Variants in CCND3 observed in about 807,000 individuals in gnomAD.
CCND3 encodes the protein cyclin D3, also known as G1/S-specific cyclin-D3.
Under a neutral mutation model 28.7 loss-of-function variants are expected in CCND3, and 9 were observed. The ratio of observed to expected loss-of-function variants is 0.31; its 90% confidence interval spans 0.19 to 0.55. The LOEUF (loss-of-function observed/expected upper bound fraction) is 0.55. Ranked by LOEUF, CCND3 falls within the 20% of genes least tolerant of loss-of-function variation. The probability of loss-of-function intolerance (pLI) is 0.93; values close to 1 mark genes in which losing one functional copy is unlikely to be tolerated. For synonymous variants in CCND3, 164 were observed against 163.9 expected (o/e 1.00, Z 0.00); for missense variants, 315 against 385.8 (o/e 0.82, Z 1.54).
chr6:42,036,306 T>TTATATATA lies in CCND3; in HGVS notation c.-46+12187_-46+12194dup, dbSNP rs566638387. ...CCATGCCTGGCCTAAAAATTATTAT[T>TTATATATA]TATATATATATATATATAAAATATA... On this transcript the variant is annotated intron_variant, in intron 1 of 4. Transcript: ENST00000372988. Among the ~76,000 whole-genome samples the TTATATATA allele has an allele frequency of 1.8e-4, 24 of 130,670 alleles. No individual in the cohort carries two copies. The East Asian group carries it at 2.6e-3, about 14-fold the overall frequency. The allele number at this position is 130,670 out of a possible 152,430, so 85.7% of individuals were successfully genotyped here.
chr6:42,036,095 C>T (rs1001846601), intron 1 of CCND3, among the ~76,000 whole-genome samples: 2 of 149,796 alleles, frequency 1.3e-5, no homozygotes, highest in Non-Finnish European at 3.0e-5. Flanking sequence ...CGGGTTCAAG[C>T]GATTCTGCTG....
chr6:41,946,693 A>G (rs1239261375), upstream of CCND3, among the ~76,000 whole-genome samples: 2 of 150,910 alleles, frequency 1.3e-5, no homozygotes, highest in Non-Finnish European at 2.9e-5. Context: ...CGGTGCTTAC[A>G]GTATTCCAGG....
At chr6:41,977,707 T>A (rs896068021) in intron 1 of CCND3, among the ~76,000 whole-genome samples, 3 of 152,048 alleles carry the variant, frequency 2.0e-5, no homozygotes, top group African/African-American at 7.2e-5. Context: ...ATATGAAAAA[T>A]TCAGTGCATT....
At chr6:42,046,233 G>T (rs1052236002) in intron 1 of CCND3, among the ~76,000 whole-genome samples, 11 of 152,202 alleles carry the variant, frequency 7.2e-5, no homozygotes, top group Non-Finnish European at 1.3e-4. Context: ...AGGTGGAAAA[G>T]GGGCTGGAAT....
chr6:41,983,400 G>C (rs1403339416), intron 1 of CCND3, among the ~76,000 whole-genome samples: 1 of 151,358 alleles, frequency 6.6e-6, no homozygotes, highest in South Asian at 2.1e-4. Flanking sequence ...TATGTTAGTG[G>C]TATATATATA....
chr6:41,980,010 T>A (rs867416901), intron 1 of CCND3, among the ~76,000 whole-genome samples: 7 of 137,082 alleles, frequency 5.1e-5, no homozygotes, highest in Admixed American at 1.5e-4. Context: ...GCTTTCAAAA[T>A]CACACACACA....
chr6:42,000,212 C>T (rs913453549), intron 1 of CCND3, among the ~76,000 whole-genome samples: 1 of 132,904 alleles, frequency 7.5e-6, no homozygotes, highest in Non-Finnish European at 1.6e-5. Context: ...ATCATCAAGT[C>T]TCGTGGAAAT....
At chr6:42,043,234 T>A (rs144409289) in intron 1 of CCND3, among the ~76,000 whole-genome samples, 1 of 152,062 alleles carries the variant, frequency 6.6e-6, no homozygotes, top group Non-Finnish European at 1.5e-5. Context: ...AAACACTATC[T>A]CTACAAAAAA....
At chr6:41,943,794 T>C (rs1052494245), upstream of CCND3, among the ~76,000 whole-genome samples, 2 of 152,222 alleles carry the variant, frequency 1.3e-5, no homozygotes, top group Non-Finnish European at 2.9e-5. Context: ...AAGTGGCTTA[T>C]TAGTAATAAT....
At chr6:41,981,446 A>T (rs1488907239) in intron 1 of CCND3, among the ~76,000 whole-genome samples, 2 of 151,580 alleles carry the variant, frequency 1.3e-5, no homozygotes, top group Admixed American at 1.3e-4. Context: ...CTCGTGATCC[A>T]CCTGCTTCGG....
Position 41,941,532 on chromosome 6 carries a change from G to A in CCND3, c.118C>T (p.Pro40Ser), listed in dbSNP as rs761079148. ...ACGCACTGGAAGTAGGAGGCGCGGG[G>A]TACGTAGCGCTCCTCCAGGCGGAGC... is the stretch of plus-strand genomic sequence containing the variant. The part of the protein sequence containing the change: ...SLLRLEERYV[P>S]RASYFQCVQR... Residue 40 changes from proline to serine, a missense_variant, in exon 1 of 5, where the codon CCC (proline) becomes TCC (serine). By Grantham distance (74) the Pro-to-Ser change is moderately conservative (BLOSUM62 -1). Coordinates refer to ENST00000372991, the MANE Select transcript of CCND3 (RefSeq NM_001760.5). The surrounding 1 kb of genome is among the most constrained non-coding windows in gnomAD (Gnocchi z 6.1). 6.2e-7 allele frequency: 1 copy of A among 1,603,724 alleles called. No homozygotes were observed. The highest frequency in any genetic ancestry group is 8.5e-7 in the Non-Finnish European group (1 of 1,177,138).
chr6:41,946,099 C>A (rs1282907983), upstream of CCND3, among the ~76,000 whole-genome samples: 2 of 152,144 alleles, frequency 1.3e-5, no homozygotes, highest in African/African-American at 4.8e-5. Flanking sequence ...CTCTGCCACT[C>A]CACTCCCTCA....
intron 1 of CCND3, among the ~76,000 whole-genome samples, chr6:41,985,504 G>A (rs1364031121): frequency 3.3e-5 from 5 of 151,740 alleles, no homozygotes; most frequent in South Asian, 2.1e-4. Context: ...TAATAGAGAC[G>A]GGGTTTCACC....
intron 1 of CCND3, among the ~76,000 whole-genome samples, chr6:41,985,556 C>A: frequency 6.6e-6 from 1 of 150,580 alleles, no homozygotes; most frequent in African/African-American, 2.4e-5. Flanking sequence ...CTTAGGTAAT[C>A]CACCCGCCTC....
rs1452986192 is a variant in CCND3 at position 41,941,037 on chromosome 6, T to A, written c.198+415A>T. 1.9e-6 allele frequency: 3 copies of A among 1,603,780 alleles called. No homozygotes were observed. ...CGGAACAGGGCGCGCGCCACCCCCA[T>A]CGCCTTCCCCGCCAGAACCCCGCGA... On this transcript the variant is annotated intron_variant, in intron 1 of 4. Transcript: ENST00000372991. This position sits in a 1 kb window ranked among gnomAD's most constrained non-coding sequence, Gnocchi z 6.1.
chr6:42,005,144 C>A (rs940628740), intron 1 of CCND3, among the ~76,000 whole-genome samples: 1 of 152,142 alleles, frequency 6.6e-6, no homozygotes, highest in East Asian at 1.9e-4. Context: ...TATGCTGACA[C>A]CTTGCTCAAA....
intron 1 of CCND3, among the ~76,000 whole-genome samples, chr6:41,964,284 GTGTGTGTGTGAGTATGTGTGAA>G (rs1761795094): frequency 6.6e-6 from 1 of 152,026 alleles, no homozygotes; most frequent in Non-Finnish European, 1.5e-5. Flanking sequence ...GTGTGTATGT[GTGTGTGTGTGAGTATGTGTGAA>G]TGTGTGTGAG....
At chr6:41,965,455 C>G (rs947921914) in intron 1 of CCND3, among the ~76,000 whole-genome samples, 1 of 152,170 alleles carries the variant, frequency 6.6e-6, no homozygotes, top group Admixed American at 6.6e-5. Flanking sequence ...CTCTCCCACT[C>G]CCCTGGATTG....
At chr6:41,993,116 TG>T (rs1262620020) in intron 1 of CCND3, among the ~76,000 whole-genome samples, 13 of 152,224 alleles carry the variant, frequency 8.5e-5, no homozygotes, top group Non-Finnish European at 1.6e-4. Context: ...TTGCTTAAAA[TG>T]GTCTTGAACT....
Sources: gnomAD v4.1 joint callset for allele counts (sites outside exome capture counted in the v4.1 genomes callset) on GRCh38, gnomAD v4.1.1 for gene constraint, Gnocchi (gnomAD v3.1) non-coding constraint, MANE v1.5 for transcripts, NCBI Gene and HGNC (gene_info 2026-07-23, HGNC 2026-07-21) for gene names.